The following WWOX variants were observed in gnomAD, a reference collection of about 807,000 sequenced individuals.
The protein encoded by WWOX is WW domain-containing oxidoreductase.
In WWOX, 69 loss-of-function variants were observed where a neutral mutation model predicts 46.2. The ratio of observed to expected loss-of-function variants is 1.49; its 90% CI spans 1.23 to 1.82. The LOEUF is 1.82. Ranked by LOEUF, WWOX falls within the 40% of genes most tolerant of loss-of-function variation. The pLI is 0.00. For synonymous variants in WWOX, 359 were observed against 202.6 expected (o/e 1.77, Z -6.56); for missense variants, 919 against 542.6 (o/e 1.69, Z -6.89).
chr16:79,016,914 G>A (rs2047425330), intron 8 of WWOX: 1 of 152,086 alleles, frequency 6.6e-6, no homozygotes, highest in South Asian at 2.1e-4. Context: ...AATAGGACCT[G>A]GGGTCGAACT....
chr16:78,793,879 C>G (rs918425380), intron 8 of WWOX, among the ~76,000 whole-genome samples: 19 of 151,746 alleles, frequency 1.3e-4, no homozygotes, highest in African/African-American at 4.1e-4. Flanking sequence ...AGTTCAAGAC[C>G]TCCTCATCTC....
At chr16:79,174,705 A>C (rs555698036) in intron 8 of WWOX, among the ~76,000 whole-genome samples, 1 of 152,332 alleles carries the variant, frequency 6.6e-6, no homozygotes, top group African/African-American at 2.4e-5. Flanking sequence ...CGCCCTAAGC[A>C]CTGAGGTGAA....
At chr16:78,684,895 A>G (rs1355984077) in intron 8 of WWOX, among the ~76,000 whole-genome samples, 1 of 152,188 alleles carries the variant, frequency 6.6e-6, no homozygotes, top group Non-Finnish European at 1.5e-5. Context: ...GAGCATAGGA[A>G]CACTCATAGT....
At chr16:78,635,592 A>C (rs1383846216) in intron 8 of WWOX, among the ~76,000 whole-genome samples, 4 of 152,118 alleles carry the variant, frequency 2.6e-5, no homozygotes, top group Non-Finnish European at 5.9e-5. Flanking sequence ...CAAAATGAAG[A>C]TGTTGGTTAT....
At chr16:78,383,097 T>G (rs2081989920) in intron 5 of WWOX, among the ~76,000 whole-genome samples, 3 of 150,452 alleles carry the variant, frequency 2.0e-5, no homozygotes, top group East Asian at 2.0e-4. Flanking sequence ...GGGATGGCAC[T>G]AAGCTGTTTT....
chr16:78,611,371 G>C (rs1360415090), intron 8 of WWOX, among the ~76,000 whole-genome samples: 1 of 152,160 alleles, frequency 6.6e-6, no homozygotes, highest in African/African-American at 2.4e-5. Context: ...GATGGGGCTG[G>C]GGGCCAAGGA....
intron 8 of WWOX, among the ~76,000 whole-genome samples, chr16:78,459,983 A>T (rs1054720729): frequency 6.6e-6 from 1 of 150,900 alleles, no homozygotes; most frequent in East Asian, 2.0e-4. Flanking sequence ...TTTTTGTATT[A>T]TTTATAGAGT....
chr16:78,406,636 T>C (rs1020905043), intron 6 of WWOX, among the ~76,000 whole-genome samples: 3 of 148,816 alleles, frequency 2.0e-5, no homozygotes, highest in Non-Finnish European at 4.5e-5. Context: ...ATTTTTTTTT[T>C]TTTTTTGAGA....
chr16:79,029,347 G>A (rs1447225682), intron 8 of WWOX, among the ~76,000 whole-genome samples: 2 of 152,220 alleles, frequency 1.3e-5, no homozygotes, highest in East Asian at 3.9e-4. Flanking sequence ...AAGGTATGCA[G>A]TCTACATGCC....
chr16:78,351,350 G>C (rs913575735), intron 5 of WWOX, among the ~76,000 whole-genome samples: 1 of 152,326 alleles, frequency 6.6e-6, no homozygotes, highest in African/African-American at 2.4e-5. Flanking sequence ...AAAAAGTACT[G>C]ATTGTCCAGC....
intron 5 of WWOX, among the ~76,000 whole-genome samples, chr16:78,250,664 A>AG (rs1362228748): frequency 1.3e-5 from 2 of 152,156 alleles, no homozygotes; most frequent in East Asian, 3.9e-4. Flanking sequence ...GGTTACATAT[A>AG]GGGGAGAGAG....
intron 8 of WWOX, among the ~76,000 whole-genome samples, chr16:78,870,482 G>T (rs564534311): frequency 1.6e-4 from 24 of 151,690 alleles, no homozygotes; most frequent in Non-Finnish European, 3.4e-4. Flanking sequence ...AAGATTCAGA[G>T]CTCATTTTTT....
At chr16:78,729,307 A>C (rs1391452564) in intron 8 of WWOX, among the ~76,000 whole-genome samples, 2 of 151,790 alleles carry the variant, frequency 1.3e-5, no homozygotes, top group African/African-American at 2.4e-5. Flanking sequence ...GCACCACTGC[A>C]CTCCAGCCTG....
chr16:78,904,469 C>G (rs2044909989), intron 8 of WWOX, among the ~76,000 whole-genome samples: 1 of 151,912 alleles, frequency 6.6e-6, no homozygotes, highest in African/African-American at 2.4e-5. Context: ...CTTCTCTTGA[C>G]CTTGTGATCT....
At chr16:79,186,791 T>C (rs994639073) in intron 8 of WWOX, among the ~76,000 whole-genome samples, 2 of 152,070 alleles carry the variant, frequency 1.3e-5, no homozygotes, top group African/African-American at 4.8e-5. Context: ...GCATTTCTAG[T>C]AATGAGGAAA....
At chr16:78,212,306 A>C (rs2036584475) in intron 5 of WWOX, among the ~76,000 whole-genome samples, 1 of 152,202 alleles carries the variant, frequency 6.6e-6, no homozygotes, top group Non-Finnish European at 1.5e-5. Flanking sequence ...AATAGATGTA[A>C]CCTCAGAGGA....
At chr16:79,130,721 C>T (rs1023320059) in intron 8 of WWOX, among the ~76,000 whole-genome samples, 3 of 152,342 alleles carry the variant, frequency 2.0e-5, no homozygotes, top group East Asian at 3.9e-4. Context: ...TACTGGCGTC[C>T]TTCCAGATTT....
chr16:79,204,871 T>C (rs772723742), intron 8 of WWOX: 3 of 152,220 alleles, frequency 2.0e-5, no homozygotes, highest in Admixed American at 6.5e-5. Flanking sequence ...CCTGCAAATA[T>C]TTCACAGAGG....
intron 1 of WWOX, among the ~76,000 whole-genome samples, chr16:78,101,675 A>C (rs2031802413): frequency 6.6e-6 from 1 of 152,050 alleles, no homozygotes; most frequent in South Asian, 2.1e-4. Context: ...TAGGTTGTAA[A>C]ATCTTCCCTC....
Sources: allele counts gnomAD v4.1 joint callset (sites outside exome capture counted in the v4.1 genomes callset), GRCh38; gene constraint gnomAD v4.1.1; transcripts MANE v1.5; gene names NCBI Gene and HGNC (gene_info 2026-07-23, HGNC 2026-07-21).